The following MYO18B variants were observed in gnomAD, a reference collection of about 807,000 sequenced individuals.
The protein encoded by MYO18B is unconventional myosin-XVIIIb.
Under a neutral mutation model 273.0 loss-of-function variants are expected in MYO18B, and 204 were observed. The observed-to-expected ratio is 0.75, with a 90% CI of 0.67 to 0.84. MYO18B has a LOEUF of 0.84. MYO18B is among the 40% of genes least tolerant of loss of function. The probability of loss-of-function intolerance (pLI) is 0.00; values close to 1 mark genes in which losing one functional copy is unlikely to be tolerated. For missense variants in MYO18B, 3,212 were observed against 3,287.6 expected (o/e 0.98, Z 0.56); for synonymous variants, 1,330 against 1,305.7 (o/e 1.02, Z -0.40).
At chr22:25,911,079 G>A (rs1220850393) in intron 33 of MYO18B, 29 bp downstream of exon 33, 2 of 1,526,852 alleles carry the variant, frequency 1.3e-6, no homozygotes, top group African/African-American at 2.7e-5. Flanking sequence ...CAGACATTCA[G>A]AGGAGTATCT....
chr22:26,045,935 A>T, the MYO18B span, among the ~76,000 whole-genome samples: 1 of 152,252 alleles, frequency 6.6e-6, no homozygotes, highest in Non-Finnish European at 1.5e-5. Flanking sequence ...GGTAACTGAT[A>T]CAATGAGTTA....
At chr22:25,852,324 A>C in intron 21 of MYO18B, among the ~76,000 whole-genome samples, 1 of 152,208 alleles carries the variant, frequency 6.6e-6, no homozygotes, top group South Asian at 2.1e-4. Flanking sequence ...TGTAGCACTT[A>C]TCTGAAATAA....
intron 9 of MYO18B, 101 bp downstream of exon 9, chr22:25,780,299 G>A: frequency 7.2e-7 from 1 of 1,391,674 alleles, no homozygotes; most frequent in East Asian, 2.5e-5. Context: ...ACTCTAGGAT[G>A]TGTCTGAAAT....
At chr22:25,829,015 T>G (rs867729556) in intron 15 of MYO18B, 47 bp downstream of exon 15, 1 of 1,594,480 alleles carries the variant, frequency 6.3e-7, no homozygotes, top group Non-Finnish European at 8.6e-7. Flanking sequence ...CCGTGGATGG[T>G]GTAAGGTCAG....
intron 1 of MYO18B, among the ~76,000 whole-genome samples, chr22:25,752,155 C>T (rs2085947203): frequency 7.8e-6 from 1 of 127,878 alleles, no homozygotes; most frequent in African/African-American, 3.0e-5. Flanking sequence ...CCTACTTATT[C>T]ATTTGACAAA....
At chr22:25,775,388 G>A (rs2086877285) in intron 7 of MYO18B, among the ~76,000 whole-genome samples, 2 of 152,230 alleles carry the variant, frequency 1.3e-5, no homozygotes, top group Admixed American at 6.5e-5. Flanking sequence ...ACCAGGGTTT[G>A]TGCCCCTAGT....
At chr22:25,835,553 G>A in intron 17 of MYO18B, 110 bp downstream of exon 17, 5 of 1,340,292 alleles carry the variant, frequency 3.7e-6, no homozygotes, top group South Asian at 2.7e-5. Flanking sequence ...AGGCTCCAAC[G>A]TGCAGAGGTG....
downstream of MYO18B, among the ~76,000 whole-genome samples, chr22:26,033,298 G>A (rs185729001): frequency 6.6e-6 from 1 of 152,328 alleles, no homozygotes; most frequent in African/African-American, 2.4e-5. Context: ...TGAGCAGGCA[G>A]AGTCACCCTG....
chr22:26,044,241 A>G, the MYO18B span, among the ~76,000 whole-genome samples: 1 of 152,206 alleles, frequency 6.6e-6, no homozygotes, highest in South Asian at 2.1e-4. Flanking sequence ...TTTGTCAGAG[A>G]TATGTTTTGC....
the MYO18B span, among the ~76,000 whole-genome samples, chr22:26,062,426 G>A: frequency 6.6e-6 from 1 of 152,090 alleles, no homozygotes; most frequent in Non-Finnish European, 1.5e-5. Context: ...ATGGCTATCA[G>A]GTATGAAGAA....
At chr22:26,035,803 G>T (rs1936766884), downstream of MYO18B, among the ~76,000 whole-genome samples, 1 of 152,202 alleles carries the variant, frequency 6.6e-6, no homozygotes, top group Non-Finnish European at 1.5e-5. Context: ...AAGAGGAGTT[G>T]GTCAACAGGC....
At chr22:25,880,579 C>A (rs902316290) in intron 25 of MYO18B, among the ~76,000 whole-genome samples, 2 of 152,120 alleles carry the variant, frequency 1.3e-5, no homozygotes, top group Non-Finnish European at 2.9e-5. Flanking sequence ...CTGTTAAAGA[C>A]CAAATGAAAC....
At chr22:25,851,447 C>T (rs977219510) in intron 20 of MYO18B, 23 bp from the exon 21 acceptor site, 2 of 1,507,712 alleles carry the variant, frequency 1.3e-6, no homozygotes, top group Non-Finnish European at 1.8e-6. Flanking sequence ...GTGCTCTTCT[C>T]CTGCCTGCTC....
chr22:26,041,830 T>C, the MYO18B span, among the ~76,000 whole-genome samples: 1 of 152,244 alleles, frequency 6.6e-6, no homozygotes, highest in South Asian at 2.1e-4. Context: ...AATGGAGAAA[T>C]GAGGGCCTGT....
At chr22:25,780,483 G>A (rs566869612) in intron 9 of MYO18B, among the ~76,000 whole-genome samples, 10 of 151,072 alleles carry the variant, frequency 6.6e-5, no homozygotes, top group Non-Finnish European at 1.5e-4. Flanking sequence ...TCAGCTACTC[G>A]GGAGGCTGAG....
In MYO18B at chr22:25,761,035, T is replaced by C. The variant is rs1428395223; in HGVS notation, c.-58T>C. 2.5e-6 allele frequency: 4 copies of C among 1,593,034 alleles called. No individual in the cohort carries two copies. Among genetic ancestry groups the C allele is most frequent in the East Asian group, 2.2e-5 (1 of 44,838 alleles). On this transcript the variant is annotated 5_prime_UTR_variant, in exon 2 of 44. Transcript: ENST00000335473. ...GTGTCTGTAAAGCCTCATTCCGTGC[T>C]GTCTGGCAGGAAGCTCCATCTCATC... is the stretch of plus-strand genomic sequence containing the variant.
intron 40 of MYO18B, among the ~76,000 whole-genome samples, chr22:26,002,256 T>C (rs1934028675): frequency 6.6e-6 from 1 of 152,216 alleles, no homozygotes; most frequent in South Asian, 2.1e-4. Context: ...TTTATAAAAA[T>C]AAATGGTAGG....
rs374327917 is a variant in MYO18B, at chr22:26,026,865, C to G, written c.6891C>G (p.Asp2297Glu). The G allele has an allele frequency of 6.3e-7, 1 of 1,594,772 alleles. No individual in the cohort carries two copies. The highest frequency in any genetic ancestry group is 8.5e-7 in the Non-Finnish European group (1 of 1,170,308). Residue 2297 changes from aspartate (D) to glutamate (E), a missense_variant, in exon 43 of 44, where the codon GAC becomes GAG. By Grantham distance (45) the Asp-to-Glu change is conservative (BLOSUM62 2). Transcript: ENST00000335473. ...STLRRGRAGS[D>E]EGNLSLRVGA... ...TAAGGAGGGGCAGGGCTGGCAGTGA[C>G]GAGGGAAACCTCTCGCTGAGGGTTG...
At chr22:25,947,487 TAC>T (rs57844236) in intron 35 of MYO18B, among the ~76,000 whole-genome samples, 7,703 of 109,746 alleles carry the variant, frequency 0.07, 244 homozygotes, top group East Asian at 0.19. Context: ...TAATGCCTAA[TAC>T]ACACACACAC....
Sources: allele counts gnomAD v4.1 joint callset (sites outside exome capture counted in the v4.1 genomes callset), GRCh38; gene constraint gnomAD v4.1.1; transcripts MANE v1.5; gene names NCBI Gene and HGNC (gene_info 2026-07-23, HGNC 2026-07-21).